CSMD1: variants seen among roughly 807,000 people sequenced by gnomAD.
CSMD1 encodes CUB and Sushi multiple domains 1.
In CSMD1, 213 loss-of-function variants were observed where a neutral mutation model predicts 417.5. The observed-to-expected ratio is 0.51, with a 90% CI of 0.46 to 0.57. CSMD1 has a LOEUF of 0.57. CSMD1 is among the 20% of genes least tolerant of loss of function. The pLI is 0.00. For missense variants in CSMD1, 6,923 were observed against 4,529.7 expected (o/e 1.53, Z -15.17); for synonymous variants, 2,862 against 1,736.8 (o/e 1.65, Z -16.11).
At chr8:4,673,571 C>T (rs1335053816) in intron 1 of CSMD1, among the ~76,000 whole-genome samples, 1 of 152,140 alleles carries the variant, frequency 6.6e-6, no homozygotes, top group Non-Finnish European at 1.5e-5. Context: ...CTACTTTCTA[C>T]CTTGTGCTTG....
chr8:4,657,165 T>C (rs11996777), intron 1 of CSMD1, among the ~76,000 whole-genome samples: 5,146 of 152,230 alleles, frequency 0.034, 286 homozygotes, highest in African/African-American at 0.12. Flanking sequence ...CTCACACATA[T>C]GCCCAGGGCA....
intron 6 of CSMD1, among the ~76,000 whole-genome samples, chr8:3,743,668 A>G (rs1240944257): frequency 6.6e-6 from 1 of 152,150 alleles, no homozygotes; most frequent in Admixed American, 6.5e-5. Context: ...CAAGATGAAA[A>G]GCTCCACACT....
intron 1 of CSMD1, among the ~76,000 whole-genome samples, chr8:4,912,926 C>T (rs992461055): frequency 3.3e-5 from 5 of 152,244 alleles, no homozygotes; most frequent in Middle Eastern, 3.4e-3. Context: ...GCTGGGACTA[C>T]AGGCACCCAC....
intron 1 of CSMD1, among the ~76,000 whole-genome samples, chr8:4,734,126 T>G (rs552043058): frequency 6.6e-6 from 1 of 152,284 alleles, no homozygotes; most frequent in East Asian, 1.9e-4. Context: ...TATCAAAATT[T>G]TCATTTACAT....
At chr8:3,901,706 G>A (rs1427988241) in intron 5 of CSMD1, among the ~76,000 whole-genome samples, 2 of 152,204 alleles carry the variant, frequency 1.3e-5, no homozygotes, top group Non-Finnish European at 2.9e-5. Context: ...TTTTGAAATG[G>A]CAAAGAATGG....
At chr8:4,421,844 T>C (rs781588328) in intron 2 of CSMD1, among the ~76,000 whole-genome samples, 1 of 151,200 alleles carries the variant, frequency 6.6e-6, no homozygotes, top group Non-Finnish European at 1.5e-5. Context: ...ATCAATAAAA[T>C]TGAAAGAAAA....
At chr8:3,024,118 A>C (rs1241206278) in intron 51 of CSMD1, among the ~76,000 whole-genome samples, 1 of 150,066 alleles carries the variant, frequency 6.7e-6, no homozygotes, top group Non-Finnish European at 1.5e-5. Context: ...TATTATTACC[A>C]GGATTCATGG....
At chr8:2,997,421 A>G (rs1807009861) in intron 54 of CSMD1, among the ~76,000 whole-genome samples, 1 of 152,232 alleles carries the variant, frequency 6.6e-6, no homozygotes, top group East Asian at 1.9e-4. Context: ...CCTGGCTTCA[A>G]TTTCATCTTA....
At chr8:3,232,359 C>T (rs1056942237) in intron 26 of CSMD1, among the ~76,000 whole-genome samples, 1 of 152,188 alleles carries the variant, frequency 6.6e-6, no homozygotes. Flanking sequence ...GACTCTCTGT[C>T]TCTCTCCCCC....
At chr8:4,153,757 G>A (rs1158656691) in intron 3 of CSMD1, among the ~76,000 whole-genome samples, 3 of 152,192 alleles carry the variant, frequency 2.0e-5, no homozygotes, top group East Asian at 3.9e-4. Context: ...TGGTGACCCT[G>A]TGCTCTAAAA....
Position 3,142,464 on chromosome 8 carries a change from C to A in CSMD1, c.6241+1G>T. The A allele has an allele frequency of 1.2e-6, 2 of 1,612,020 alleles. No homozygotes were observed. The highest frequency in any genetic ancestry group is 1.7e-6 in the Non-Finnish European group (2 of 1,178,774). Reference sequence around the variant, plus strand: ...TTTCGGTTCTCGTTGTTGTTCCATACCTTGGTAAGCAAGTTTAAATCCTTG... The same window carrying A: ...TTTCGGTTCTCGTTGTTGTTCCATAACTTGGTAAGCAAGTTTAAATCCTTG... On this transcript the variant is annotated splice_donor_variant, in intron 41 of 69. Coordinates refer to ENST00000635120, the MANE Select transcript of CSMD1 (RefSeq NM_033225.6). LOFTEE classifies it high-confidence loss of function.
At chr8:3,055,606 T>A (rs1200888632) in intron 49 of CSMD1, among the ~76,000 whole-genome samples, 1 of 152,226 alleles carries the variant, frequency 6.6e-6, no homozygotes, top group Non-Finnish European at 1.5e-5. Context: ...TTTTTAAAAA[T>A]GCGAATTAGC....
At chr8:4,807,582 G>A (rs139150601) in intron 1 of CSMD1, among the ~76,000 whole-genome samples, 1 of 152,114 alleles carries the variant, frequency 6.6e-6, no homozygotes, top group African/African-American at 2.4e-5. Flanking sequence ...GGAATGGGTT[G>A]TTACTCAGCA....
chr8:3,989,156 T>C (rs2130264790), intron 5 of CSMD1, among the ~76,000 whole-genome samples: 1 of 152,312 alleles, frequency 6.6e-6, no homozygotes, highest in East Asian at 1.9e-4. Flanking sequence ...CTAAGGGTTT[T>C]CCAAGCGTCT....
At chr8:4,814,522 C>G (rs900390138) in intron 1 of CSMD1, among the ~76,000 whole-genome samples, 1 of 152,130 alleles carries the variant, frequency 6.6e-6, no homozygotes, top group Non-Finnish European at 1.5e-5. Context: ...GCTGGGATTA[C>G]AGGTATGAGG....
intron 5 of CSMD1, among the ~76,000 whole-genome samples, chr8:3,831,857 A>G (rs1226842213): frequency 6.6e-6 from 1 of 152,206 alleles, no homozygotes; most frequent in Non-Finnish European, 1.5e-5. Flanking sequence ...TTCATATAAC[A>G]TAGCATCTTT....
At chr8:3,251,690 C>G (rs761195229) in intron 26 of CSMD1, among the ~76,000 whole-genome samples, 3 of 152,162 alleles carry the variant, frequency 2.0e-5, no homozygotes, top group Non-Finnish European at 4.4e-5. Context: ...TTCTTCCTAC[C>G]CATGAGCATG....
chr8:4,209,053 T>C (rs991326715), intron 3 of CSMD1, among the ~76,000 whole-genome samples: 2 of 152,322 alleles, frequency 1.3e-5, no homozygotes, highest in South Asian at 4.1e-4. Context: ...TCTGACTTCT[T>C]GCTTCTTGAA....
intron 7 of CSMD1, among the ~76,000 whole-genome samples, chr8:3,702,931 A>T (rs1039864637): frequency 6.6e-6 from 1 of 152,226 alleles, no homozygotes; most frequent in African/African-American, 2.4e-5. Context: ...GGTGAGAAAG[A>T]AAATGGGGGA....
Sources: allele counts gnomAD v4.1 joint callset (sites outside exome capture counted in the v4.1 genomes callset), GRCh38; gene constraint gnomAD v4.1.1; transcripts MANE v1.5; gene names NCBI Gene and HGNC (gene_info 2026-07-23, HGNC 2026-07-21).